The following XRCC3 variants were observed in gnomAD, a reference collection of about 807,000 sequenced individuals.
XRCC3 encodes DNA repair protein XRCC3.
A neutral mutation model predicts 29.2 loss-of-function variants in XRCC3; 34 were observed. The ratio of observed to expected loss-of-function variants is 1.16; its 90% confidence interval spans 0.88 to 1.55. The LOEUF (loss-of-function observed/expected upper bound fraction) is 1.55. Ranked by LOEUF, XRCC3 falls within the 40% of genes most tolerant of loss-of-function variation. XRCC3 has a pLI of 0.00. For synonymous variants in XRCC3, 223 were observed against 211.3 expected (o/e 1.06, Z -0.48); for missense variants, 463 against 467.6 (o/e 0.99, Z 0.09).
At chr14:103,713,337 T>G (rs532190988) in intron 1 of XRCC3, 1 of 152,342 alleles carries the variant, frequency 6.6e-6, no homozygotes, top group Non-Finnish European at 1.5e-5. Context: ...TCCCAGACAC[T>G]GGCCTGGGAG....
At position 103,699,415 on chromosome 14, in the gene XRCC3, C is replaced by A. The variant is rs79874791; in HGVS notation, c.723G>T (p.Thr241=). Residue 241 remains threonine (T), a synonymous_variant, in exon 8 of 10, where the codon ACG becomes ACT. Coordinates refer to ENST00000555055, the MANE Select transcript of XRCC3 (RefSeq NM_005432.4). The part of the protein sequence containing the change: ...RARHLQSLGA[T]LRELSSAFQS... ...GGAAGGCACTGCTCAGCTCACGCAG[C>A]GTGGCCCCCAGGGACTGCAGATGCC... is the stretch of plus-strand genomic sequence containing the variant. 364 of 1,612,640 alleles carry A rather than the reference C, an allele frequency of 2.3e-4. 1 individual carries two copies. The highest frequency in any genetic ancestry group is 3.0e-4 in the Non-Finnish European group (356 of 1,179,824).
At chr14:103,706,421 C>T (rs1249286832) in intron 6 of XRCC3, 5 of 455,904 alleles carry the variant, frequency 1.1e-5, no homozygotes, top group Non-Finnish European at 2.2e-5. Flanking sequence ...CATGTTGACA[C>T]CAGGGAATTA....
At position 103,699,428 on chromosome 14, in the gene XRCC3, G is replaced by A; in HGVS notation, c.710C>T (p.Ser237Phe). 1.2e-6 allele frequency: 2 copies of A among 1,612,810 alleles called. No homozygotes were observed. Among genetic ancestry groups the A allele is most frequent in the South Asian group, 2.2e-5 (2 of 91,052 alleles). ...ASAPRARHLQ[S>F]LGATLRELSS... ...CAGCTCACGCAGCGTGGCCCCCAGG[G>A]ACTGCAGATGCCTGGCCCTGGGGGC... The change falls in exon 8 of 10, where the codon TCC becomes TTC. Residue 237 changes from serine to phenylalanine, a missense_variant. Transcript: ENST00000555055.
At position 103,699,854 on chromosome 14, in the gene XRCC3, G is replaced by A. The variant is rs577356045; in HGVS notation, c.562-278C>T. 183 of 499,810 alleles carry A rather than the reference G, an allele frequency of 3.7e-4. No individual in the cohort carries two copies. In the East Asian group the frequency reaches 4.5e-3, roughly 12 times the overall value. 31.0% of individuals were successfully genotyped at this position (499,810 alleles called of 1,614,324 possible). The stretch of plus-strand genomic sequence containing the variant: ...GTCACCCCTTGGCTGTGCCAACACC[G>A]TCCTCTGTAGAGGTGTCCTTTGCGC... On this transcript the variant is annotated intron_variant, in intron 7 of 9. Transcript: ENST00000555055.
At position 103,708,503 on chromosome 14, in the gene XRCC3, G is replaced by A; in HGVS notation, c.193+19C>T. 1 of 1,613,358 alleles carries A rather than the reference G, an allele frequency of 6.2e-7. No individual in the cohort carries two copies. Among genetic ancestry groups the A allele is most frequent in the South Asian group, 1.1e-5 (1 of 91,052 alleles). ...GGAGCCACATGTCACCCCTGGCAGAGATGCCAGGGCCCACCTACCTGTAAG... is the reference window on the plus strand; with the variant it reads ...GGAGCCACATGTCACCCCTGGCAGAAATGCCAGGGCCCACCTACCTGTAAG... On this transcript the variant is annotated intron_variant, in intron 5 of 9. Coordinates refer to ENST00000555055, the MANE Select transcript of XRCC3 (RefSeq NM_005432.4).
chr14:103,698,903 G>A lies in XRCC3; in HGVS notation c.936C>T (p.Ala312=), dbSNP rs746493086. ...GGGCAGAGAGCACCCGCAGGGTCCG[G>A]GCTGGGCAGCCGAGGGCAGCCTCTT... is the stretch of plus-strand genomic sequence containing the variant. The part of the protein sequence containing the change: ...REEEAALGCP[A]RTLRVLSAPH... The change falls in exon 10 of 10, where the codon GCC becomes GCT. Residue 312 remains alanine, a synonymous_variant. Transcript: ENST00000555055. The A allele has an allele frequency of 6.2e-7, 1 of 1,602,554 alleles. No homozygotes were observed. Among genetic ancestry groups the A allele is most frequent in the South Asian group, 1.1e-5 (1 of 89,372 alleles).
chr14:103,707,126 C>A lies in XRCC3; in HGVS notation c.283G>T (p.Gly95Cys). The A allele has an allele frequency of 6.5e-7, 1 of 1,549,692 alleles. No individual in the cohort carries two copies. The highest frequency in any genetic ancestry group is 2.4e-5 in the East Asian group (1 of 40,940). ...GTGATGCCGTCCAGGGGCAGGCCAC[C>A]GCGGAGCAGCGCGTCCAGCACCGGG... is the stretch of plus-strand genomic sequence containing the variant. Reference protein sequence around the residue: ...GCPVLDALLRGGLPLDGITEL... With the variant: ...GCPVLDALLRCGLPLDGITEL... Residue 95 changes from glycine to cysteine, a missense_variant, in exon 6 of 10, where the codon GGT becomes TGT. By Grantham distance (159) the Gly-to-Cys change is radical. Transcript: ENST00000555055.
At chr14:103,713,620 G>T (rs1004803734) in intron 1 of XRCC3, 1 of 152,360 alleles carries the variant, frequency 6.6e-6, no homozygotes, top group African/African-American at 2.4e-5. Flanking sequence ...TGGAAATGCC[G>T]TGGTTACTGC....
chr14:103,711,328 A>G (rs2083618171), intron 3 of XRCC3, 83 bp from the exon 4 acceptor site: 1 of 674,418 alleles, frequency 1.5e-6, no homozygotes. Context: ...ACCTCTAAGA[A>G]TTATTTAGCA....
intron 6 of XRCC3, chr14:103,706,383 C>T (rs1032572943): frequency 6.6e-6 from 3 of 455,954 alleles, no homozygotes; most frequent in African/African-American, 2.0e-5. Context: ...ACTCTGTTCA[C>T]GTGGAGTTTA....
intron 1 of XRCC3, among the ~76,000 whole-genome samples, chr14:103,714,455 T>A (rs2083734662): frequency 7.1e-6 from 1 of 141,570 alleles, no homozygotes; most frequent in Non-Finnish European, 1.5e-5. Context: ...CAGCAAGACC[T>A]ACTCTCTACC....
At chr14:103,711,811 C>G (rs1264913438) in intron 2 of XRCC3, 4 of 431,368 alleles carry the variant, frequency 9.3e-6, no homozygotes, top group Non-Finnish European at 1.9e-5. Flanking sequence ...GGGACTCAGC[C>G]TGGGGTCACA....
At chr14:103,701,575 T>G in intron 7 of XRCC3, 1 of 203,448 alleles carries the variant, frequency 4.9e-6, no homozygotes. Context: ...ATAAGACCTC[T>G]TAGAAGTGGG....
In XRCC3 at chr14:103,701,334, C is replaced by T. The variant is rs968456162; in HGVS notation, c.562-1758G>A. The T allele has an allele frequency of 2.1e-5, 20 of 960,330 alleles. 1 individual carries two copies. The Admixed American group carries it at 3.4e-4, about 16-fold the overall frequency. The allele number at this position is 960,330 out of a possible 1,614,324, so 59.5% of individuals were successfully genotyped here. On this transcript the variant is annotated intron_variant, in intron 7 of 9. Coordinates refer to ENST00000555055, the MANE Select transcript of XRCC3 (RefSeq NM_005432.4). ...CACTCATTTCTCCTGCGTCTGTGTG[C>T]ATAGGACATGATACTAATAACCACA...
At position 103,708,618 on chromosome 14, in the gene XRCC3, G is replaced by A; in HGVS notation, c.97C>T (p.Pro33Ser). The A allele has an allele frequency of 6.2e-7, 1 of 1,614,206 alleles. No individual in the cohort carries two copies. Among genetic ancestry groups the A allele is most frequent in the Non-Finnish European group, 8.5e-7 (1 of 1,180,034 alleles). Residue 33 changes from proline to serine, a missense_variant, in exon 5 of 10, where the codon CCA becomes TCA. Physicochemically the swap from Pro to Ser is moderately conservative, Grantham distance 74 (BLOSUM62 -1). Coordinates refer to ENST00000555055, the MANE Select transcript of XRCC3 (RefSeq NM_005432.4). ...SVKEVLHFSG[P>S]DLKRLTNLSS... The stretch of plus-strand genomic sequence containing the variant: ...AGGTTGGTCAGTCTCTTCAAGTCTG[G>A]TCCAGAAAAGTGTAAAACCTCCTTT...
intron 2 of XRCC3, 34 bp from the exon 3 acceptor site, chr14:103,711,601 C>T (rs1297725250): frequency 4.4e-6 from 2 of 456,326 alleles, no homozygotes; most frequent in East Asian, 1.4e-4. Flanking sequence ...CTGGGATTGG[C>T]AGGGTGCTCA....
rs1031004832 is a variant in XRCC3 at position 103,706,704 on chromosome 14, G to C, written c.406+299C>G. ...GGACTCTGGGCTTGGCAGCTGTGCG[G>C]AACGTGGGCCGGCATCGCTGTGCTC... On this transcript the variant is annotated intron_variant, in intron 6 of 9. Transcript: ENST00000555055. 1.1e-4 allele frequency: 52 copies of C among 467,762 alleles called. 2 individuals are homozygous for C. Among genetic ancestry groups the C allele is most frequent in the Non-Finnish European group, 1.6e-5 (4 of 252,108 alleles). 29.0% of individuals were successfully genotyped at this position (467,762 alleles called of 1,614,324 possible).
chr14:103,700,563 C>A, intron 7 of XRCC3: 1 of 1,032,522 alleles, frequency 9.7e-7, no homozygotes, highest in Non-Finnish European at 1.5e-6. Flanking sequence ...CCAAGGTCTG[C>A]AGCCACACGC....
intron 8 of XRCC3, 34 bp from the exon 9 acceptor site, chr14:103,699,213 C>G: frequency 6.5e-7 from 1 of 1,548,630 alleles, no homozygotes; most frequent in Non-Finnish European, 8.7e-7. Context: ...GCTGCAACGG[C>G]TGAGGGTCTT....
Sources: allele counts gnomAD v4.1 joint callset (sites outside exome capture counted in the v4.1 genomes callset), GRCh38; gene constraint gnomAD v4.1.1; transcripts MANE v1.5; gene names NCBI Gene and HGNC (gene_info 2026-07-23, HGNC 2026-07-21).